Variants in PKD1L1 observed in about 807,000 individuals in gnomAD.
PKD1L1 encodes the protein polycystin-1-like protein 1.
In PKD1L1, 236 loss-of-function variants were observed where a neutral mutation model predicts 323.4. The ratio of observed to expected loss-of-function variants is 0.73; its 90% CI spans 0.66 to 0.81. The LOEUF (loss-of-function observed/expected upper bound fraction) is 0.81, where lower values mean the gene tolerates loss of function less well. Ranked by LOEUF, PKD1L1 falls within the 40% of genes least tolerant of loss-of-function variation. PKD1L1 has a pLI of 0.00. For missense variants in PKD1L1, 3,320 were observed against 3,508.0 expected (o/e 0.95, Z 1.35); for synonymous variants, 1,344 against 1,335.0 (o/e 1.01, Z -0.15).
chr7:47,884,591 C>T lies in PKD1L1; in HGVS notation c.3265+7G>A. 6.2e-7 allele frequency: 1 copy of T among 1,613,334 alleles called. No individual in the cohort carries two copies. The highest frequency in any genetic ancestry group is 2.2e-5 in the East Asian group (1 of 44,878). ...GAGAGAGGCAGCAGGCATAGAAGCA[C>T]AGTCACCTGGCTGTCTTCCTCCCGA... On this transcript the variant is annotated splice_region_variant and intron_variant, in intron 19 of 56. Transcript: ENST00000289672.
intron 7 of PKD1L1, among the ~76,000 whole-genome samples, chr7:47,923,545 A>T (rs966261493): frequency 4.6e-5 from 7 of 151,632 alleles, no homozygotes; most frequent in Non-Finnish European, 1.0e-4. Context: ...AATAAATTTT[A>T]AAAAAAACAA....
chr7:47,882,187 TG>T (rs35167363), intron 19 of PKD1L1, 102 bp from the exon 20 acceptor site: 190 of 1,194,018 alleles, frequency 1.6e-4, no homozygotes, highest in Non-Finnish European at 2.1e-4. Flanking sequence ...TTTGTACTAT[TG>T]CTGGATACCG....
At chr7:47,787,142 G>A (rs1241519038) in intron 56 of PKD1L1, among the ~76,000 whole-genome samples, 1 of 151,956 alleles carries the variant, frequency 6.6e-6, no homozygotes, top group Non-Finnish European at 1.5e-5. Context: ...CACAAAAAAG[G>A]GTCTGTTCTG....
intron 11 of PKD1L1, 131 bp from the exon 12 acceptor site, chr7:47,904,748 C>A: frequency 8.8e-7 from 1 of 1,130,282 alleles, no homozygotes; most frequent in East Asian, 2.6e-5. Flanking sequence ...TTTGTAAGAA[C>A]TACAAAAGTA....
intron 56 of PKD1L1, among the ~76,000 whole-genome samples, chr7:47,777,485 C>T (rs4341074): frequency 0.27 from 41,317 of 152,030 alleles, 5,941 homozygotes; most frequent in East Asian, 0.57. Context: ...ATCTGCCCTA[C>T]CTCTCAACTT....
At chr7:47,894,865 A>G (rs1786903189) in intron 14 of PKD1L1, among the ~76,000 whole-genome samples, 1 of 151,552 alleles carries the variant, frequency 6.6e-6, no homozygotes, top group Non-Finnish European at 1.5e-5. Context: ...CAAAAAAAAA[A>G]AAAAACTGAC....
rs373447072 is a variant in PKD1L1, at chr7:47,827,417, A to C, written c.6787T>G (p.Ser2263Ala). The change falls in exon 45 of 57, where the codon TCC becomes GCC. Residue 2263 changes from serine to alanine, a missense_variant. Coordinates refer to ENST00000289672, the MANE Select transcript of PKD1L1 (RefSeq NM_138295.5). ...ARHLRWAHPP[S>A]KAQLRGTRQR... ...CTGGTGCCCCTCAGCTGGGCCTTGG[A>C]TGGTGGATGCGCCCAGCGCAGGTGG... is the stretch of plus-strand genomic sequence containing the variant. 3.1e-6 allele frequency: 5 copies of C among 1,613,098 alleles called. No homozygotes were observed. The highest frequency in any genetic ancestry group is 1.6e-4 in the Middle Eastern group (1 of 6,080).
intron 55 of PKD1L1, chr7:47,795,429 A>G (rs9719534): frequency 0.71 from 317,977 of 449,990 alleles, 113,328 homozygotes; most frequent in Non-Finnish European, 0.75. Flanking sequence ...GAGGCCTCCC[A>G]AGTCATGTGG....
At chr7:47,875,586 C>T (rs1021959118) in intron 23 of PKD1L1, among the ~76,000 whole-genome samples, 3 of 152,198 alleles carry the variant, frequency 2.0e-5, no homozygotes, top group Non-Finnish European at 2.9e-5. Context: ...AAGCCAGTTC[C>T]AAGGGACTGG....
intron 1 of PKD1L1, 60 bp from the exon 2 acceptor site, chr7:47,943,571 C>T: frequency 1.6e-6 from 2 of 1,286,792 alleles, no homozygotes; most frequent in Admixed American, 1.8e-5. Flanking sequence ...TAATCACAGA[C>T]ATCCTGTGAC....
chr7:47,776,562 G>T (rs771253753), intron 56 of PKD1L1, among the ~76,000 whole-genome samples: 1 of 152,176 alleles, frequency 6.6e-6, no homozygotes, highest in Non-Finnish European at 1.5e-5. Context: ...TTGTGAGATG[G>T]CTGAGGAATT....
chr7:47,814,069 C>T (rs1584962219), intron 47 of PKD1L1, 55 bp from the exon 48 acceptor site: 1 of 1,479,036 alleles, frequency 6.8e-7, no homozygotes, highest in Non-Finnish European at 9.4e-7. Flanking sequence ...TTCAAACCTC[C>T]TCATCAAGCG....
In PKD1L1 at chr7:47,905,255, C is replaced by T. The variant is rs751854021; in HGVS notation, c.1593G>A (p.Lys531=). Residue 531 remains lysine (K), a synonymous_variant, in exon 11 of 57, where the codon AAG becomes AAA. Transcript: ENST00000289672. Reference sequence around the variant, plus strand: ...ACTCAAATTCCAGGGGTATTGTTTCCTTGGTAACAGCTGTAAATGTAATGT... The same window carrying T: ...ACTCAAATTCCAGGGGTATTGTTTCTTTGGTAACAGCTGTAAATGTAATGT... ...DTDITFTAVT[K]ETIPLEFEWY... is the part of the protein sequence containing the mutation. 4.3e-6 allele frequency: 7 copies of T among 1,614,096 alleles called. No homozygotes were observed. In the South Asian group the frequency reaches 6.6e-5, roughly 15 times the overall value.
intron 7 of PKD1L1, among the ~76,000 whole-genome samples, chr7:47,923,035 C>T (rs6963240): frequency 0.045 from 6,817 of 152,198 alleles, 500 homozygotes; most frequent in African/African-American, 0.15. Context: ...ACCTTACCCC[C>T]AACCCCATGC....
At chr7:47,784,236 T>C (rs910538262) in intron 56 of PKD1L1, among the ~76,000 whole-genome samples, 2 of 152,228 alleles carry the variant, frequency 1.3e-5, no homozygotes, top group African/African-American at 4.8e-5. Context: ...GGCTGTCTGC[T>C]TCAACATTTC....
intron 30 of PKD1L1, 32 bp from the exon 31 acceptor site, chr7:47,853,259 A>C: frequency 4.9e-6 from 7 of 1,436,160 alleles, no homozygotes; most frequent in South Asian, 1.2e-5. Context: ...GGGATTTCTC[A>C]TTTTTTTCTT....
Position 47,803,256 on chromosome 7 carries a change from C to G in PKD1L1, c.7916G>C (p.Cys2639Ser), listed in dbSNP as rs955215166. The change falls in exon 53 of 57, where the codon TGC (cysteine) becomes TCC (serine). Residue 2639 changes from cysteine to serine, a missense_variant. Cys to Ser is a moderately radical substitution (Grantham distance 112). Transcript: ENST00000289672. ...LPGIQNTMAS[C>S]SSMMRHSLPS... The stretch of plus-strand genomic sequence containing the variant: ...GAGTGAGTGGCGCATCATGGAGGAG[C>G]AGGATGCCATTGTGTTTTGAATGCC... 1 of 1,613,938 alleles carries G rather than the reference C, an allele frequency of 6.2e-7. No homozygotes were observed. The highest frequency in any genetic ancestry group is 1.7e-5 in the Admixed American group (1 of 59,984).
rs148386055 is a variant in PKD1L1 at position 47,827,442 on chromosome 7, G to C, written c.6762C>G (p.Arg2254=). The change falls in exon 45 of 57, where the codon CGC becomes CGG. Residue 2254 remains arginine, a synonymous_variant. Coordinates refer to ENST00000289672, the MANE Select transcript of PKD1L1 (RefSeq NM_138295.5). The part of the protein sequence containing the change: ...EKVLAARQQA[R]HLRWAHPPSK... ...ATGGTGGATGCGCCCAGCGCAGGTGGCGAGCTTGTTGTCGGGCAGCCAAGA... is the reference window on the plus strand; with the variant it reads ...ATGGTGGATGCGCCCAGCGCAGGTGCCGAGCTTGTTGTCGGGCAGCCAAGA... The C allele has an allele frequency of 3.7e-5, 60 of 1,611,504 alleles. No individual in the cohort carries two copies. In the African/African-American group the frequency reaches 7.6e-4, roughly 20 times the overall value.
intron 46 of PKD1L1, among the ~76,000 whole-genome samples, 160 bp downstream of exon 46, chr7:47,820,916 T>C (rs1200134879): frequency 6.6e-6 from 1 of 152,114 alleles, no homozygotes; most frequent in Non-Finnish European, 1.5e-5. Flanking sequence ...TAAGAACGTG[T>C]CCAAAGTCTG....
Sources: gnomAD v4.1 joint callset for allele counts (sites outside exome capture counted in the v4.1 genomes callset) on GRCh38, gnomAD v4.1.1 for gene constraint, MANE v1.5 for transcripts, NCBI Gene and HGNC (gene_info 2026-07-23, HGNC 2026-07-21) for gene names.